Variants in CMSS1 observed in about 807,000 individuals in gnomAD.
CMSS1 encodes the protein protein CMSS1.
CMSS1 carries 33 observed loss-of-function variants against 43.5 expected under a neutral mutation model. The observed-to-expected ratio is 0.76, with a 90% CI of 0.57 to 1.01. CMSS1 has a LOEUF of 1.01. Ranked by LOEUF, CMSS1 falls within the 50% of genes least tolerant of loss-of-function variation. The probability of loss-of-function intolerance (pLI) is 0.00; values close to 1 mark genes in which losing one functional copy is unlikely to be tolerated. For missense variants in CMSS1, 313 were observed against 326.4 expected (o/e 0.96, Z 0.32); for synonymous variants, 115 against 117.2 (o/e 0.98, Z 0.12).
chr3:99,992,363 C>G (rs1423459688), intron 1 of CMSS1, among the ~76,000 whole-genome samples: 2 of 152,030 alleles, frequency 1.3e-5, no homozygotes, highest in African/African-American at 4.8e-5. Context: ...AATAGCCATT[C>G]TGACTGATAT....
intron 1 of CMSS1, among the ~76,000 whole-genome samples, chr3:100,143,046 G>C (rs1576100598): frequency 6.6e-6 from 1 of 152,246 alleles, no homozygotes; most frequent in Non-Finnish European, 1.5e-5. Context: ...AGAGGCAAGA[G>C]GAAGAAGGAG....
At chr3:99,851,515 G>A (rs577400087) in intron 1 of CMSS1, among the ~76,000 whole-genome samples, 1 of 152,072 alleles carries the variant, frequency 6.6e-6, no homozygotes, top group Non-Finnish European at 1.5e-5. Context: ...GAAAAATGGG[G>A]GCAATAATTT....
At chr3:100,079,129 C>G (rs543389658) in intron 1 of CMSS1, among the ~76,000 whole-genome samples, 26 of 152,302 alleles carry the variant, frequency 1.7e-4, no homozygotes, top group African/African-American at 6.3e-4. Context: ...CCTCTCTCCC[C>G]AGTCCTCTCA....
intron 1 of CMSS1, among the ~76,000 whole-genome samples, chr3:99,842,973 C>G (rs762819983): frequency 6.6e-6 from 1 of 152,208 alleles, no homozygotes; most frequent in Non-Finnish European, 1.5e-5. Flanking sequence ...GCCCAAAAGC[C>G]TTACCCTTCT....
chr3:100,123,814 C>T (rs185759848), intron 1 of CMSS1, among the ~76,000 whole-genome samples: 1 of 152,312 alleles, frequency 6.6e-6, no homozygotes, highest in East Asian at 1.9e-4. Flanking sequence ...TGTACAATGT[C>T]CTAGATCTGC....
chr3:99,834,425 T>C (rs1330906924), intron 1 of CMSS1, among the ~76,000 whole-genome samples: 1 of 152,220 alleles, frequency 6.6e-6, no homozygotes, highest in Non-Finnish European at 1.5e-5. Flanking sequence ...CAATCTCTCT[T>C]TCTGTGGAAA....
At chr3:100,094,650 AG>A (rs2066170572) in intron 1 of CMSS1, among the ~76,000 whole-genome samples, 1 of 140,012 alleles carries the variant, frequency 7.1e-6, no homozygotes, top group Non-Finnish European at 1.5e-5. Context: ...CAATTTCTCC[AG>A]CACCATTTGT....
chr3:99,966,773 A>G (rs1708666214), intron 1 of CMSS1, among the ~76,000 whole-genome samples: 2 of 152,248 alleles, frequency 1.3e-5, no homozygotes, highest in African/African-American at 4.8e-5. Context: ...CTGTAAAGTT[A>G]TATGGGCCAC....
chr3:99,970,616 A>T (rs920182769), intron 1 of CMSS1, among the ~76,000 whole-genome samples: 5 of 152,216 alleles, frequency 3.3e-5, no homozygotes, highest in Admixed American at 1.3e-4. Flanking sequence ...ATAGTTCTAG[A>T]CCTTGCATGT....
intron 1 of CMSS1, among the ~76,000 whole-genome samples, chr3:99,924,784 A>G (rs1707238224): frequency 6.6e-6 from 1 of 151,894 alleles, no homozygotes; most frequent in South Asian, 2.1e-4. Context: ...GGCCTCCCAA[A>G]GTGCTGGGAT....
At chr3:99,956,749 T>C (rs2107695978) in intron 1 of CMSS1, among the ~76,000 whole-genome samples, 1 of 152,356 alleles carries the variant, frequency 6.6e-6, no homozygotes, top group South Asian at 2.1e-4. Flanking sequence ...CTATTGGTTC[T>C]TTTTCCACAA....
intron 1 of CMSS1, among the ~76,000 whole-genome samples, chr3:99,877,149 A>G (rs931158817): frequency 1.3e-5 from 2 of 152,244 alleles, no homozygotes; most frequent in Admixed American, 6.5e-5. Context: ...TAGCCCAACT[A>G]TATGAATCTG....
At chr3:99,834,597 A>T (rs906541339) in intron 1 of CMSS1, among the ~76,000 whole-genome samples, 2 of 152,094 alleles carry the variant, frequency 1.3e-5, no homozygotes, top group Non-Finnish European at 2.9e-5. Context: ...TGTCTTCCTC[A>T]TTTGTTCTCT....
chr3:99,876,681 G>C (rs1171376737), intron 1 of CMSS1, among the ~76,000 whole-genome samples: 1 of 152,094 alleles, frequency 6.6e-6, no homozygotes, highest in Non-Finnish European at 1.5e-5. Flanking sequence ...TAATGAGTAG[G>C]GGTCCTCAGA....
At chr3:99,836,683 A>G (rs937506870) in intron 1 of CMSS1, among the ~76,000 whole-genome samples, 2 of 152,232 alleles carry the variant, frequency 1.3e-5, no homozygotes, top group Non-Finnish European at 2.9e-5. Flanking sequence ...TGATAAGAAT[A>G]TAACTAGTTC....
intron 1 of CMSS1, among the ~76,000 whole-genome samples, chr3:100,062,302 G>T (rs185300564): frequency 4.0e-5 from 6 of 151,344 alleles, no homozygotes. Context: ...TAGTGGAGAC[G>T]AGGTTTCACC....
chr3:100,063,965 T>G (rs2107352109), intron 1 of CMSS1, among the ~76,000 whole-genome samples: 2 of 152,354 alleles, frequency 1.3e-5, no homozygotes, highest in South Asian at 2.1e-4. Flanking sequence ...CCAAACCCAT[T>G]GGTGCCAGTA....
chr3:99,983,473 T>C (rs1353556421), intron 1 of CMSS1, among the ~76,000 whole-genome samples: 2 of 18,562 alleles, frequency 1.1e-4, no homozygotes, highest in Non-Finnish European at 2.0e-4. Context: ...TGTATATATA[T>C]ATATATATAT....
At chr3:99,892,854 C>T (rs1435457767) in intron 1 of CMSS1, among the ~76,000 whole-genome samples, 1 of 152,164 alleles carries the variant, frequency 6.6e-6, no homozygotes, top group African/African-American at 2.4e-5. Context: ...AAGTTCATGT[C>T]GATCATGTGG....
Sources: allele counts gnomAD v4.1 joint callset (sites outside exome capture counted in the v4.1 genomes callset), GRCh38; gene constraint gnomAD v4.1.1; transcripts MANE v1.5; gene names NCBI Gene and HGNC (gene_info 2026-07-23, HGNC 2026-07-21).